MAP3K20: variants seen among roughly 807,000 people sequenced by gnomAD.
MAP3K20 encodes mitogen-activated protein kinase kinase kinase 20.
MAP3K20 carries 40 observed loss-of-function variants against 85.7 expected under a neutral mutation model. The ratio of observed to expected loss-of-function variants is 0.47; its 90% CI spans 0.36 to 0.61. The LOEUF (loss-of-function observed/expected upper bound fraction) is 0.61, where lower values mean the gene tolerates loss of function less well. MAP3K20 is among the 20% of genes least tolerant of loss of function. The probability of loss-of-function intolerance (pLI) is 0.00; values close to 1 mark genes in which losing one functional copy is unlikely to be tolerated. For missense variants in MAP3K20, 817 were observed against 961.7 expected (o/e 0.85, Z 1.99); for synonymous variants, 325 against 327.7 (o/e 0.99, Z 0.09).
At chr2:173,252,843 T>C (rs999072680) in intron 16 of MAP3K20, among the ~76,000 whole-genome samples, 2 of 152,198 alleles carry the variant, frequency 1.3e-5, no homozygotes, top group African/African-American at 4.8e-5. Context: ...TCATACACAA[T>C]ACCTCCAGGC....
At chr2:173,116,064 A>G (rs904219261) in intron 2 of MAP3K20, among the ~76,000 whole-genome samples, 1 of 151,770 alleles carries the variant, frequency 6.6e-6, no homozygotes, top group Non-Finnish European at 1.5e-5. Flanking sequence ...TTCCCAGGCC[A>G]GTCTCACTAA....
chr2:173,253,889 G>T (rs1685096591), intron 16 of MAP3K20, among the ~76,000 whole-genome samples: 1 of 151,762 alleles, frequency 6.6e-6, no homozygotes, highest in African/African-American at 2.4e-5. Context: ...ACAACATAGT[G>T]AGACTTCATC....
intron 18 of MAP3K20, among the ~76,000 whole-genome samples, chr2:173,262,904 C>T (rs1685329649): frequency 6.6e-6 from 1 of 152,218 alleles, no homozygotes; most frequent in South Asian, 2.1e-4. Flanking sequence ...ATTAGAACAA[C>T]CAGATTCTAC....
intron 2 of MAP3K20, among the ~76,000 whole-genome samples, chr2:173,096,393 G>A (rs568066111): frequency 4.0e-5 from 6 of 149,326 alleles, no homozygotes; most frequent in Admixed American, 3.3e-4. Flanking sequence ...AGGCTGGAGC[G>A]CAGTGGTGCA....
At chr2:173,126,929 G>A (rs1373399151) in intron 2 of MAP3K20, among the ~76,000 whole-genome samples, 4 of 152,176 alleles carry the variant, frequency 2.6e-5, no homozygotes, top group Non-Finnish European at 5.9e-5. Flanking sequence ...GCCTGTGAAT[G>A]TTCTTAACTT....
intron 2 of MAP3K20, among the ~76,000 whole-genome samples, chr2:173,144,926 C>A (rs952661663): frequency 4.0e-5 from 6 of 151,870 alleles, no homozygotes; most frequent in African/African-American, 1.5e-4. Context: ...ATATTTAGAC[C>A]CAGACATATT....
chr2:173,239,175 G>C lies in MAP3K20; in HGVS notation c.1267-229G>C, dbSNP rs113065173. 5.1e-3 allele frequency among the ~76,000 whole-genome samples: 777 copies of C among 152,290 alleles called. 7 individuals carry two copies. The highest frequency in any genetic ancestry group is 7.3e-3 in the Non-Finnish European group (494 of 68,032). Reference sequence around the variant, plus strand: ...TGCACTGTGATAAATGTAAGACAGTGACATTCAATTTGAACTGCATGAAAT... The same window carrying C: ...TGCACTGTGATAAATGTAAGACAGTCACATTCAATTTGAACTGCATGAAAT... On this transcript the variant is annotated intron_variant, in intron 15 of 19. Transcript: ENST00000375213.
Position 173,263,623 on chromosome 2 carries a change from G to A in MAP3K20, c.1552-122G>A, listed in dbSNP as rs984312934. ...GTGCATTATGATAGTGTTCTAAGAG[G>A]TGAAACTGAAGTGATATAATAACCT... On this transcript the variant is annotated intron_variant, in intron 18 of 19. Transcript: ENST00000375213. The A allele has an allele frequency of 4.1e-5, 39 of 945,852 alleles. No homozygotes were observed. In the Admixed American group the frequency reaches 8.7e-4, roughly 21 times the overall value. 58.6% of individuals were successfully genotyped at this position (945,852 alleles called of 1,614,324 possible). A position where few individuals can be genotyped will look rare whatever the true frequency, so the allele number is the denominator to read the frequency against.
chr2:173,236,850 G>C (rs1245088876), intron 14 of MAP3K20, among the ~76,000 whole-genome samples: 3 of 152,050 alleles, frequency 2.0e-5, no homozygotes, highest in Non-Finnish European at 2.9e-5. Context: ...GAGTCCTCCT[G>C]GTCCTTGTCA....
intron 14 of MAP3K20, 75 bp downstream of exon 14, chr2:173,232,534 T>G (rs1684547058): frequency 1.3e-6 from 2 of 1,573,654 alleles, no homozygotes; most frequent in South Asian, 2.4e-5. Context: ...GGCAGAGTCT[T>G]GCTCTGTTGC....
chr2:173,236,797 G>A (rs1684662794), intron 14 of MAP3K20, among the ~76,000 whole-genome samples: 1 of 152,148 alleles, frequency 6.6e-6, no homozygotes, highest in Non-Finnish European at 1.5e-5. Context: ...GATAAGTAAT[G>A]CTCCAAGCTG....
chr2:173,146,212 A>G (rs1274328081), intron 2 of MAP3K20, among the ~76,000 whole-genome samples: 1 of 152,064 alleles, frequency 6.6e-6, no homozygotes, highest in East Asian at 1.9e-4. Context: ...GAAGAAACAA[A>G]AAAGTTTCAG....
intron 3 of MAP3K20, among the ~76,000 whole-genome samples, chr2:173,171,033 G>A (rs1383565813): frequency 3.9e-5 from 6 of 152,296 alleles, no homozygotes; most frequent in African/African-American, 1.4e-4. Context: ...AAGTTATTAA[G>A]TGGAGGGACT....
chr2:173,209,708 T>C (rs1171078587), intron 9 of MAP3K20, 21 bp from the exon 10 acceptor site: 3 of 1,588,914 alleles, frequency 1.9e-6, no homozygotes, highest in African/African-American at 1.4e-5. Flanking sequence ...AGCGAATGAT[T>C]ACTTATTTTC....
At chr2:173,085,523 A>C (rs898656242) in intron 1 of MAP3K20, among the ~76,000 whole-genome samples, 1 of 152,162 alleles carries the variant, frequency 6.6e-6, no homozygotes, top group Non-Finnish European at 1.5e-5. Context: ...TAAATTAAAA[A>C]TTTTTTGACA....
At chr2:173,093,034 A>G (rs1363624515) in intron 2 of MAP3K20, among the ~76,000 whole-genome samples, 1 of 152,220 alleles carries the variant, frequency 6.6e-6, no homozygotes, top group Non-Finnish European at 1.5e-5. Flanking sequence ...GGGCTTAGTC[A>G]GTGATTATGA....
At chr2:173,099,986 C>G (rs1687590571) in intron 2 of MAP3K20, among the ~76,000 whole-genome samples, 1 of 152,172 alleles carries the variant, frequency 6.6e-6, no homozygotes, top group Non-Finnish European at 1.5e-5. Flanking sequence ...ACAACTGTAC[C>G]CCACAGTCAG....
intron 14 of MAP3K20, among the ~76,000 whole-genome samples, chr2:173,238,127 C>T (rs964490267): frequency 1.3e-5 from 2 of 152,138 alleles, no homozygotes; most frequent in African/African-American, 4.8e-5. Flanking sequence ...CTCCAGCCTG[C>T]ACGACAGAAT....
rs558786365 is a variant in MAP3K20 at position 173,198,068 on chromosome 2, T to C, written c.625T>C (p.Leu209=). ...MLTREVPFKG[L]EGLQVAWLVV... ...AACAAGGGAGGTCCCCTTTAAAGGT[T>C]TGGAAGGATTACAAGTAGCTTGGCT... Residue 209 remains leucine (L), a synonymous_variant, in exon 8 of 20, where the codon TTG becomes CTG. Coordinates refer to ENST00000375213, the MANE Select transcript of MAP3K20 (RefSeq NM_016653.3). This position sits in a 1 kb window ranked among gnomAD's most constrained non-coding sequence, Gnocchi z 5.8. The C allele has an allele frequency of 5.6e-6, 9 of 1,613,144 alleles. No individual in the cohort carries two copies. Among genetic ancestry groups the C allele is most frequent in the South Asian group, 4.4e-5 (4 of 91,034 alleles).
Sources: gnomAD v4.1 joint callset for allele counts (sites outside exome capture counted in the v4.1 genomes callset) on GRCh38, gnomAD v4.1.1 for gene constraint, Gnocchi (gnomAD v3.1) non-coding constraint, MANE v1.5 for transcripts, NCBI Gene and HGNC (gene_info 2026-07-23, HGNC 2026-07-21) for gene names.